Variants in CDH8 observed in about 807,000 individuals in gnomAD.
CDH8 encodes the protein cadherin 8, also known as cadherin-8.
CDH8 carries 17 observed loss-of-function variants against 68.1 expected under a neutral mutation model. The ratio of observed to expected loss-of-function variants is 0.25; its 90% CI spans 0.17 to 0.37. The LOEUF (loss-of-function observed/expected upper bound fraction) is 0.37. Ranked by LOEUF, CDH8 falls within the 10% of genes least tolerant of loss-of-function variation. The probability of loss-of-function intolerance (pLI) is 1.00; values close to 1 mark genes in which losing one functional copy is unlikely to be tolerated. For missense variants in CDH8, 763 were observed against 999.3 expected, an observed-to-expected ratio of 0.76 and a Z score of 3.19; for synonymous variants, 372 against 365.1, an observed-to-expected ratio of 1.02 and a Z score of -0.21.
chr16:61,898,855 T>A (rs1963916224), intron 3 of CDH8, among the ~76,000 whole-genome samples: 1 of 152,040 alleles, frequency 6.6e-6, no homozygotes, highest in Non-Finnish European at 1.5e-5. Flanking sequence ...GAGTCATTGA[T>A]AAAGTCATGG....
At chr16:61,756,411 T>C (rs1254318460) in intron 8 of CDH8, among the ~76,000 whole-genome samples, 2 of 152,184 alleles carry the variant, frequency 1.3e-5, no homozygotes, top group African/African-American at 4.8e-5. Context: ...AGCGGATTAC[T>C]AGTAAAGTAA....
At chr16:61,958,527 A>G (rs1387216161) in intron 2 of CDH8, among the ~76,000 whole-genome samples, 4 of 152,166 alleles carry the variant, frequency 2.6e-5, no homozygotes, top group Non-Finnish European at 4.4e-5. Context: ...CTCTTTATCT[A>G]TGATTCCACA....
At position 61,769,200 on chromosome 16, in the gene CDH8, A is replaced by G. The variant is rs868831408; in HGVS notation, c.1414+20146T>C. On this transcript the variant is annotated intron_variant, in intron 8 of 11. Coordinates refer to ENST00000577390, the MANE Select transcript of CDH8 (RefSeq NM_001796.5). ...ATAAAAAAGTATTTCAACCTTGCAG[A>G]ACGCTTAAAAATGTCTCAAAGACTC... 1.9e-4 allele frequency among the ~76,000 whole-genome samples: 29 copies of G among 151,824 alleles called. 1 individual carries two copies. The highest frequency in any genetic ancestry group is 5.3e-4 in the African/African-American group (22 of 41,400).
chr16:61,720,437 T>TA, intron 9 of CDH8, among the ~76,000 whole-genome samples: 1 of 150,978 alleles, frequency 6.6e-6, no homozygotes, highest in East Asian at 2.0e-4. Flanking sequence ...GAAAATACAA[T>TA]AAAAATATAT....
chr16:61,769,357 A>T (rs1174167902), intron 8 of CDH8, among the ~76,000 whole-genome samples: 1 of 151,876 alleles, frequency 6.6e-6, no homozygotes, highest in East Asian at 1.9e-4. Flanking sequence ...ATACAACAAC[A>T]TAGAAAGGTA....
chr16:61,666,287 G>A (rs1213639200), intron 10 of CDH8, among the ~76,000 whole-genome samples: 1 of 151,570 alleles, frequency 6.6e-6, no homozygotes, highest in Non-Finnish European at 1.5e-5. Flanking sequence ...ATCCCCTGCA[G>A]ATGAAAAAGG....
At chr16:61,961,952 G>T (rs8058728) in intron 2 of CDH8, among the ~76,000 whole-genome samples, 69,166 of 152,060 alleles carry the variant, frequency 0.45, 18,319 homozygotes, top group African/African-American at 0.75. Context: ...AGCCTTCTGT[G>T]TACTGATAAT....
intron 10 of CDH8, among the ~76,000 whole-genome samples, chr16:61,705,483 A>G (rs1320706261): frequency 6.6e-6 from 1 of 152,200 alleles, no homozygotes; most frequent in Non-Finnish European, 1.5e-5. Context: ...ATCACTGTGC[A>G]TTTGGAAAGG....
In CDH8 at chr16:61,972,571, G is replaced by GGGGTGTGTGT. The variant is rs369833002; in HGVS notation, c.252+48580_252+48581insACACACACCC. Among the ~76,000 whole-genome samples, 132 of 131,546 alleles carry GGGGTGTGTGT rather than the reference G, an allele frequency of 1.0e-3. 1 individual carries two copies. Among genetic ancestry groups the GGGGTGTGTGT allele is most frequent in the East Asian group, 9.4e-3 (44 of 4,658 alleles). 86.3% of individuals were successfully genotyped at this position (131,546 alleles called of 152,430 possible). A position where few individuals can be genotyped will look rare whatever the true frequency, so the allele number is the denominator to read the frequency against. On this transcript the variant is annotated intron_variant, in intron 2 of 11. Transcript: ENST00000577390. The stretch of plus-strand genomic sequence containing the variant: ...TTTTTTTTTCTGGGAACACATTGTG[G>GGGGTGTGTGT]GTGTGTGTGTGTGTGTGTGTGTGTG...
intron 5 of CDH8, among the ~76,000 whole-genome samples, chr16:61,822,975 A>G (rs191837208): frequency 1.3e-5 from 2 of 152,042 alleles, no homozygotes; most frequent in Admixed American, 6.6e-5. Context: ...TTGATCTGCC[A>G]TTATTTAATT....
At chr16:61,688,195 C>T (rs1166765163) in intron 10 of CDH8, among the ~76,000 whole-genome samples, 1 of 152,012 alleles carries the variant, frequency 6.6e-6, no homozygotes, top group Non-Finnish European at 1.5e-5. Context: ...TGTCACCTGC[C>T]AGTGTTAGCT....
intron 5 of CDH8, among the ~76,000 whole-genome samples, chr16:61,824,440 T>A (rs530496043): frequency 1.3e-5 from 2 of 151,958 alleles, no homozygotes; most frequent in African/African-American, 4.8e-5. Context: ...TCGATGAGAG[T>A]AAAGAAAGTT....
chr16:61,718,700 GC>G (rs575342929), intron 9 of CDH8, among the ~76,000 whole-genome samples: 22 of 151,320 alleles, frequency 1.5e-4, no homozygotes, highest in Admixed American at 1.5e-3. Context: ...CCATGAATGA[GC>G]TTTATATGGC....
intron 3 of CDH8, among the ~76,000 whole-genome samples, chr16:61,894,843 T>C (rs1004813360): frequency 6.6e-6 from 1 of 152,126 alleles, no homozygotes; most frequent in Non-Finnish European, 1.5e-5. Flanking sequence ...AGACTGAGAT[T>C]TGCCTTTTTC....
In CDH8 at chr16:61,931,449, T is replaced by C. The variant is rs76550305; in HGVS notation, c.253-29976A>G. Among the ~76,000 whole-genome samples, 451 of 152,312 alleles carry C rather than the reference T, an allele frequency of 3.0e-3. 5 individuals are homozygous for C. Among genetic ancestry groups the C allele is most frequent in the African/African-American group, 0.01 (436 of 41,568 alleles). ...CCTCGGTTTCCCAAAGCACTGTGAT[T>C]ACAGGCATGAGCCATTGCACTCAGC... On this transcript the variant is annotated intron_variant, in intron 2 of 11. Coordinates refer to ENST00000577390, the MANE Select transcript of CDH8 (RefSeq NM_001796.5).
chr16:61,992,077 T>TGTGTGTGTGAGA (rs34925928), intron 2 of CDH8, among the ~76,000 whole-genome samples: 1,645 of 144,190 alleles, frequency 0.011, 24 homozygotes, highest in East Asian at 0.052. Flanking sequence ...TGTGTGTGTG[T>TGTGTGTGTGAGA]GAGAGAGAGA....
At chr16:61,917,854 CT>C (rs1051645990) in intron 2 of CDH8, among the ~76,000 whole-genome samples, 2 of 152,068 alleles carry the variant, frequency 1.3e-5, no homozygotes, top group Admixed American at 1.3e-4. Context: ...GACTTTAGAC[CT>C]AAGCCCTGGA....
chr16:61,926,474 A>T (rs969254406), intron 2 of CDH8, among the ~76,000 whole-genome samples: 6 of 152,076 alleles, frequency 3.9e-5, no homozygotes, highest in African/African-American at 1.4e-4. Context: ...TGTCCTTGTT[A>T]GCTATTTTTC....
At chr16:61,895,076 A>T (rs1297376779) in intron 3 of CDH8, among the ~76,000 whole-genome samples, 2 of 152,108 alleles carry the variant, frequency 1.3e-5, no homozygotes, top group African/African-American at 2.4e-5. Context: ...TGACATTTTT[A>T]AAGTGCTCAT....
Sources: gnomAD v4.1 joint callset for allele counts (sites outside exome capture counted in the v4.1 genomes callset) on GRCh38, gnomAD v4.1.1 for gene constraint, MANE v1.5 for transcripts, NCBI Gene and HGNC (gene_info 2026-07-23, HGNC 2026-07-21) for gene names.